Variants in CAMTA1 observed in about 807,000 individuals in gnomAD.
CAMTA1 encodes calmodulin binding transcription activator 1.
CAMTA1 carries 27 observed loss-of-function variants against 170.9 expected under a neutral mutation model. The observed-to-expected ratio is 0.16, with a 90% CI of 0.12 to 0.22. The LOEUF (loss-of-function observed/expected upper bound fraction) is 0.22. Ranked by LOEUF, CAMTA1 falls within the 10% of genes least tolerant of loss-of-function variation. The pLI is 1.00. For missense variants in CAMTA1, 1,619 were observed against 2,217.2 expected, an observed-to-expected ratio of 0.73 and a Z score of 5.42; for synonymous variants, 833 against 891.5, an observed-to-expected ratio of 0.93 and a Z score of 1.17.
chr1:6,818,208 A>T (rs942905403), intron 1 of CAMTA1, among the ~76,000 whole-genome samples: 1 of 152,088 alleles, frequency 6.6e-6, no homozygotes, highest in African/African-American at 2.4e-5. Context: ...ATGGTGGCGG[A>T]CACCTGTGAT....
At chr1:7,139,008 T>A (rs560431590) in intron 4 of CAMTA1, among the ~76,000 whole-genome samples, 2,653 of 144,772 alleles carry the variant, frequency 0.018, 36 homozygotes, top group Non-Finnish European at 0.025. Context: ...AAAATATATA[T>A]ATATATATAT....
intron 3 of CAMTA1, among the ~76,000 whole-genome samples, chr1:7,004,011 G>T (rs1374406127): frequency 1.3e-5 from 2 of 152,212 alleles, no homozygotes; most frequent in Non-Finnish European, 2.9e-5. Context: ...GTTCTGAGAT[G>T]ATTTCAGCAC....
intron 3 of CAMTA1, among the ~76,000 whole-genome samples, chr1:7,086,170 G>T (rs1187603624): frequency 2.0e-5 from 3 of 152,066 alleles, no homozygotes; most frequent in Non-Finnish European, 4.4e-5. Context: ...AAATCTGCAA[G>T]CTGGACAGTC....
At chr1:7,705,743 G>C (rs770403493) in intron 11 of CAMTA1, among the ~76,000 whole-genome samples, 3 of 152,202 alleles carry the variant, frequency 2.0e-5, no homozygotes, top group African/African-American at 4.8e-5. Context: ...GGGCGACGGG[G>C]GACTGTCTCT....
At chr1:6,933,362 T>G (rs1007151605) in intron 3 of CAMTA1, among the ~76,000 whole-genome samples, 4 of 152,192 alleles carry the variant, frequency 2.6e-5, no homozygotes, top group Admixed American at 6.5e-5. Context: ...CAGGTTCAAG[T>G]GATTCTCCTG....
intron 5 of CAMTA1, among the ~76,000 whole-genome samples, chr1:7,422,410 C>T (rs57299375): frequency 0.027 from 4,034 of 152,092 alleles, 181 homozygotes; most frequent in African/African-American, 0.091. Context: ...CCGGCTTCCA[C>T]GGACAGGCGA....
At chr1:7,705,410 A>G (rs1008747165) in intron 11 of CAMTA1, among the ~76,000 whole-genome samples, 1 of 146,050 alleles carries the variant, frequency 6.8e-6, no homozygotes, top group African/African-American at 2.6e-5. Context: ...GGTGTGAGCC[A>G]CGCGTGTCTG....
intron 6 of CAMTA1, among the ~76,000 whole-genome samples, chr1:7,487,623 AGGCT>A (rs2093635114): frequency 6.6e-6 from 1 of 152,146 alleles, no homozygotes; most frequent in African/African-American, 2.4e-5. Context: ...GGTGAGGCTG[AGGCT>A]GAGGATGCGG....
intron 6 of CAMTA1, among the ~76,000 whole-genome samples, chr1:7,474,712 C>T (rs2093391967): frequency 6.6e-6 from 1 of 152,248 alleles, no homozygotes; most frequent in Admixed American, 6.5e-5. Flanking sequence ...CCACCCTCTT[C>T]TGCAGCCCGG....
chr1:7,432,865 C>A (rs542003592), intron 5 of CAMTA1, among the ~76,000 whole-genome samples: 6 of 152,358 alleles, frequency 3.9e-5, no homozygotes, highest in Non-Finnish European at 8.8e-5. Context: ...GCAGGCAATG[C>A]CCAGGCTGAG....
intron 3 of CAMTA1, among the ~76,000 whole-genome samples, chr1:6,981,782 T>G (rs1694478650): frequency 6.6e-6 from 1 of 151,300 alleles, no homozygotes. Flanking sequence ...CAGGCTGGAG[T>G]GCAGTGGTGC....
intron 5 of CAMTA1, among the ~76,000 whole-genome samples, chr1:7,377,631 A>G (rs2149041766): frequency 6.6e-6 from 1 of 152,352 alleles, no homozygotes; most frequent in Admixed American, 6.5e-5. Flanking sequence ...ACTATGGCCC[A>G]TGAACCAAAT....
chr1:7,759,301 A>C (rs2096957339), intron 22 of CAMTA1, among the ~76,000 whole-genome samples: 1 of 152,250 alleles, frequency 6.6e-6, no homozygotes, highest in East Asian at 1.9e-4. Context: ...GACACGACAG[A>C]CAAATTCCAG....
chr1:7,489,877 G>A lies in CAMTA1; in HGVS notation c.510+21976G>A, dbSNP rs537588173. Among the ~76,000 whole-genome samples, 74 of 152,294 alleles carry A rather than the reference G, an allele frequency of 4.9e-4. 1 individual carries two copies. The highest frequency in any genetic ancestry group is 2.5e-3 in the Admixed American group (38 of 15,308). ...TCCCCACTCCTCCATGTCTGGCCCC[G>A]AGCAGACGGGGTGACTGGCTACTGG... On this transcript the variant is annotated intron_variant, in intron 6 of 22. Coordinates refer to ENST00000303635, the MANE Select transcript of CAMTA1 (RefSeq NM_015215.4).
chr1:7,755,644 G>T lies in CAMTA1; in HGVS notation c.4965G>T (p.Leu1655=). 6.2e-7 allele frequency: 1 copy of T among 1,613,584 alleles called. No individual in the cohort carries two copies. Among genetic ancestry groups the T allele is most frequent in the African/African-American group, 1.3e-5 (1 of 74,998 alleles). ...RFLRRCRHSP[L]VDHRLYKRSE... ...GTTGTTTTACTGTCTAAAGCCCCCTGGTGGACCATAGGCTGTACAAAAGGG... is the reference window on the plus strand; with the variant it reads ...GTTGTTTTACTGTCTAAAGCCCCCTTGTGGACCATAGGCTGTACAAAAGGG... The change falls in exon 22 of 23, where the codon CTG becomes CTT. Residue 1655 remains leucine, a synonymous_variant. Coordinates refer to ENST00000303635, the MANE Select transcript of CAMTA1 (RefSeq NM_015215.4).
chr1:7,411,039 G>A (rs916231626), intron 5 of CAMTA1, among the ~76,000 whole-genome samples: 6 of 152,004 alleles, frequency 3.9e-5, no homozygotes, highest in Admixed American at 6.6e-5. Context: ...ATCCATGCAC[G>A]TTTTAGTGTC....
chr1:7,155,825 A>G lies in CAMTA1; in HGVS notation c.302+64454A>G, dbSNP rs144973833. Among the ~76,000 whole-genome samples the G allele has an allele frequency of 6.9e-3, 1,049 of 151,988 alleles. 12 individuals carry two copies. Among genetic ancestry groups the G allele is most frequent in the African/African-American group, 0.023 (972 of 41,436 alleles). ...GCCTGGGGTACCCCAGCTCCAAATG[A>G]CACATCTCCCTGCGTTTGCTGTGCA... On this transcript the variant is annotated intron_variant, in intron 4 of 22. Transcript: ENST00000303635.
intron 3 of CAMTA1, among the ~76,000 whole-genome samples, chr1:7,087,108 G>A (rs923313114): frequency 6.6e-6 from 1 of 152,246 alleles, no homozygotes; most frequent in Non-Finnish European, 1.5e-5. Flanking sequence ...TGTCAAGAGA[G>A]ATAGACCAGA....
In CAMTA1 at chr1:7,044,373, G is replaced by A. The variant is rs1249123045; in HGVS notation, c.235-46931G>A. On this transcript the variant is annotated intron_variant, in intron 3 of 22. Coordinates refer to ENST00000303635, the MANE Select transcript of CAMTA1 (RefSeq NM_015215.4). The surrounding 1 kb of genome is among the most constrained non-coding windows in gnomAD (Gnocchi z 5.0). Reference sequence around the variant, plus strand: ...AGAGCAGTGCCGCTGGGGACCCTGGGGACTCACAGCAGTACTGCTGGGGAC... The same window carrying A: ...AGAGCAGTGCCGCTGGGGACCCTGGAGACTCACAGCAGTACTGCTGGGGAC... Among the ~76,000 whole-genome samples, 1 of 151,196 alleles carries A rather than the reference G, an allele frequency of 6.6e-6. No individual in the cohort carries two copies. The highest frequency in any genetic ancestry group is 1.5e-5 in the Non-Finnish European group (1 of 67,700).
Sources: allele counts gnomAD v4.1 joint callset (sites outside exome capture counted in the v4.1 genomes callset), GRCh38; gene constraint gnomAD v4.1.1; non-coding constraint Gnocchi (gnomAD v3.1); transcripts MANE v1.5; gene names NCBI Gene and HGNC (gene_info 2026-07-23, HGNC 2026-07-21).